The following LHFPL2 variants were observed in gnomAD, a reference collection of about 807,000 sequenced individuals.
LHFPL2 encodes LHFPL tetraspan subfamily member 2.
Under a neutral mutation model 17.5 loss-of-function variants are expected in LHFPL2, and 7 were observed. The observed-to-expected ratio is 0.40, with a 90% CI of 0.23 to 0.75. The LOEUF is 0.75. LHFPL2 is among the 30% of genes least tolerant of loss of function. The pLI, the probability that LHFPL2 is intolerant of heterozygous loss-of-function variation, is 0.37. For synonymous variants in LHFPL2, 134 were observed against 116.2 expected, an observed-to-expected ratio of 1.15 and a Z score of -0.99; for missense variants, 241 against 294.8, an observed-to-expected ratio of 0.82 and a Z score of 1.34.
chr5:78,514,950 T>C (rs1755247137), intron 3 of LHFPL2, among the ~76,000 whole-genome samples: 3 of 152,202 alleles, frequency 2.0e-5, no homozygotes, highest in Non-Finnish European at 2.9e-5. Flanking sequence ...TTCCATCAAT[T>C]TATAGCATAC....
Position 78,544,752 on chromosome 5 carries a change from TAC to T in LHFPL2, c.-186+20059_-186+20060del, listed in dbSNP as rs34278546. 8.1e-3 allele frequency among the ~76,000 whole-genome samples: 1,207 copies of T among 149,076 alleles called. 13 individuals are homozygous for T. Among genetic ancestry groups the T allele is most frequent in the African/African-American group, 0.026 (1,062 of 40,278 alleles). The stretch of plus-strand genomic sequence containing the variant: ...GCCAGGAAGTCCCAGGCCATCTTCT[TAC>T]ACACACACACACACACGTATACACA... On this transcript the variant is annotated intron_variant, in intron 3 of 4. Coordinates refer to ENST00000380345, the MANE Select transcript of LHFPL2 (RefSeq NM_005779.3).
At chr5:78,601,580 G>T (rs1056618880) in intron 2 of LHFPL2, among the ~76,000 whole-genome samples, 5 of 152,220 alleles carry the variant, frequency 3.3e-5, no homozygotes, top group African/African-American at 9.6e-5. Flanking sequence ...CCATGTCTGT[G>T]TAGCAAATTT....
intron 2 of LHFPL2, among the ~76,000 whole-genome samples, chr5:78,577,265 G>A (rs951202901): frequency 2.0e-5 from 3 of 152,136 alleles, no homozygotes; most frequent in Admixed American, 1.3e-4. Flanking sequence ...ATATCAACAT[G>A]AGTTGTTTCA....
intron 3 of LHFPL2, among the ~76,000 whole-genome samples, chr5:78,523,440 G>T (rs879597162): frequency 3.9e-5 from 6 of 152,106 alleles, no homozygotes; most frequent in Non-Finnish European, 7.4e-5. Context: ...CCACAGTGAG[G>T]GGGTAGAAGA....
At chr5:78,590,156 T>C (rs930031079) in intron 2 of LHFPL2, 1 of 152,208 alleles carries the variant, frequency 6.6e-6, no homozygotes, top group African/African-American at 2.4e-5. Flanking sequence ...TCGTTCCTCA[T>C]GATAGCTCTT....
intron 2 of LHFPL2, among the ~76,000 whole-genome samples, chr5:78,631,116 C>A (rs1481166896): frequency 6.6e-6 from 1 of 152,210 alleles, no homozygotes; most frequent in African/African-American, 2.4e-5. Context: ...TGATTTAAAC[C>A]TAAACTGTGT....
chr5:78,529,642 C>CAAAA (rs71001112), intron 3 of LHFPL2, among the ~76,000 whole-genome samples: 1 of 136,774 alleles, frequency 7.3e-6, no homozygotes. Flanking sequence ...GACTCCGTCT[C>CAAAA]AAAAAAAAAA....
chr5:78,498,066 G>T (rs1341066337), intron 4 of LHFPL2, among the ~76,000 whole-genome samples: 10 of 152,182 alleles, frequency 6.6e-5, no homozygotes, highest in Admixed American at 6.5e-4. Context: ...GGTGAGAGAA[G>T]ACAAAGGATA....
intron 2 of LHFPL2, among the ~76,000 whole-genome samples, chr5:78,616,855 T>C (rs1744634687): frequency 2.6e-5 from 4 of 152,190 alleles, no homozygotes; most frequent in African/African-American, 9.7e-5. Context: ...AGACAGCTTA[T>C]CCAGCCCACC....
chr5:78,581,460 C>T (rs942417593), intron 2 of LHFPL2, among the ~76,000 whole-genome samples: 31 of 152,060 alleles, frequency 2.0e-4, no homozygotes, highest in Admixed American at 3.9e-4. Context: ...TTTTGAGATA[C>T]GTCCCATCAA....
rs1033654191 is a variant in LHFPL2, at chr5:78,486,915, A to G, written c.*1982T>C. 1.3e-5 allele frequency: 2 copies of G among 152,174 alleles called. No individual in the cohort carries two copies. Among genetic ancestry groups the G allele is most frequent in the African/African-American group, 2.4e-5 (1 of 41,444 alleles). 9.4% of individuals were successfully genotyped at this position (152,174 alleles called of 1,614,324 possible). A position where few individuals can be genotyped will look rare whatever the true frequency, so the allele number is the denominator to read the frequency against. On this transcript the variant is annotated 3_prime_UTR_variant, in exon 5 of 5. Transcript: ENST00000380345. ...AGTGAGTCTTCTGATAAGTTTATGGAAAAATTTTGTGTTTTTCATCAAGGT... is the reference window on the plus strand; with the variant it reads ...AGTGAGTCTTCTGATAAGTTTATGGGAAAATTTTGTGTTTTTCATCAAGGT...
At chr5:78,496,419 A>G (rs931133478) in intron 4 of LHFPL2, among the ~76,000 whole-genome samples, 1 of 152,246 alleles carries the variant, frequency 6.6e-6, no homozygotes, top group Non-Finnish European at 1.5e-5. Context: ...TTTTAGGAAC[A>G]TAGCAGCCCA....
intron 2 of LHFPL2, among the ~76,000 whole-genome samples, chr5:78,578,317 T>C (rs561578275): frequency 1.3e-5 from 2 of 152,228 alleles, no homozygotes; most frequent in South Asian, 4.2e-4. Flanking sequence ...ATGAGGGAGC[T>C]GAAAGAAATA....
At chr5:78,494,563 T>C in intron 4 of LHFPL2, 2 of 979,232 alleles carry the variant, frequency 2.0e-6, no homozygotes, top group East Asian at 1.1e-4. Flanking sequence ...GAAAAGCTGA[T>C]GGTCAGTCAC....
intron 2 of LHFPL2, among the ~76,000 whole-genome samples, chr5:78,626,981 C>T (rs974411082): frequency 2.8e-4 from 43 of 151,718 alleles, no homozygotes; most frequent in African/African-American, 9.9e-4. Context: ...CTCAGGTGGC[C>T]GAGGCAGGAG....
intron 3 of LHFPL2, among the ~76,000 whole-genome samples, chr5:78,563,939 T>C (rs568862624): frequency 5.8e-4 from 89 of 152,312 alleles, no homozygotes; most frequent in Non-Finnish European, 1.2e-3. Flanking sequence ...CACCAGTTCA[T>C]TTCATAACAT....
At position 78,488,029 on chromosome 5, in the gene LHFPL2, G is replaced by A. The variant is rs551960743; in HGVS notation, c.*868C>T. 1.2e-3 allele frequency: 80 copies of A among 68,018 alleles called. 1 individual carries two copies. The East Asian group carries it at 0.022, about 19-fold the overall frequency. 4.2% of individuals were successfully genotyped at this position (68,018 alleles called of 1,614,324 possible). A position where few individuals can be genotyped will look rare whatever the true frequency, so the allele number is the denominator to read the frequency against. On this transcript the variant is annotated 3_prime_UTR_variant, in exon 5 of 5. Coordinates refer to ENST00000380345, the MANE Select transcript of LHFPL2 (RefSeq NM_005779.3). ...ATCTGCATAAGCCACAGCTAGCTTG[G>A]AGACCTCAGTCCCTGGAAGGAGGAA... is the stretch of plus-strand genomic sequence containing the variant.
intron 3 of LHFPL2, among the ~76,000 whole-genome samples, chr5:78,552,041 T>A (rs910264655): frequency 2.0e-5 from 3 of 152,190 alleles, no homozygotes; most frequent in African/African-American, 7.2e-5. Context: ...TTCCCCTGTA[T>A]CTTTGGGTCT....
chr5:78,630,425 A>C (rs1327718494), intron 2 of LHFPL2, among the ~76,000 whole-genome samples: 4 of 152,064 alleles, frequency 2.6e-5, no homozygotes, highest in African/African-American at 9.7e-5. Flanking sequence ...ATTTCAATGT[A>C]TTTTCTTAGC....
Sources: allele counts gnomAD v4.1 joint callset (sites outside exome capture counted in the v4.1 genomes callset), GRCh38; gene constraint gnomAD v4.1.1; transcripts MANE v1.5; gene names NCBI Gene and HGNC (gene_info 2026-07-23, HGNC 2026-07-21).